Variants in NOL4L observed in about 807,000 individuals in gnomAD.
NOL4L encodes nucleolar protein 4 like, also known as nucleolar protein 4-like.
NOL4L carries 7 observed loss-of-function variants against 64.5 expected under a neutral mutation model. The ratio of observed to expected loss-of-function variants is 0.11; its 90% CI spans 0.06 to 0.20. NOL4L has a LOEUF of 0.20. Among genes scored for constraint, NOL4L ranks in the 10% least tolerant of loss-of-function variants. The probability of loss-of-function intolerance (pLI) is 1.00; values close to 1 mark genes in which losing one functional copy is unlikely to be tolerated. For synonymous variants in NOL4L, 413 were observed against 401.0 expected, an observed-to-expected ratio of 1.03 and a Z score of -0.36; for missense variants, 680 against 967.1, an observed-to-expected ratio of 0.70 and a Z score of 3.94.
chr20:32,497,557 A>G (rs293553), intron 4 of NOL4L, among the ~76,000 whole-genome samples: 81,078 of 151,974 alleles, frequency 0.53, 23,740 homozygotes, highest in East Asian at 0.99. Context: ...AGAGGCACCC[A>G]AAAGCTGGAG....
rs376224142 is a variant in NOL4L, at chr20:32,487,228, G to A, written c.700-12486C>T. Reference sequence around the variant, plus strand: ...GGTTGCAGTGAGCCGAGATCATACCGTTGCACTCCAGCCTGGGCGACAGGA... The same window carrying A: ...GGTTGCAGTGAGCCGAGATCATACCATTGCACTCCAGCCTGGGCGACAGGA... On this transcript the variant is annotated intron_variant, in intron 4 of 10. Transcript: ENST00000621426. Among the ~76,000 whole-genome samples, 17 of 152,206 alleles carry A rather than the reference G, an allele frequency of 1.1e-4. No individual in the cohort carries two copies. In the East Asian group the frequency reaches 2.5e-3, roughly 22 times the overall value.
chr20:32,527,188 G>A (rs958637072), intron 2 of NOL4L, among the ~76,000 whole-genome samples: 3 of 152,082 alleles, frequency 2.0e-5, no homozygotes, highest in African/African-American at 7.2e-5. Flanking sequence ...AGACATTTCT[G>A]CTTCTCATGT....
In NOL4L at chr20:32,475,682, C is replaced by T. The variant is rs138379601; in HGVS notation, c.700-940G>A. On this transcript the variant is annotated intron_variant, in intron 4 of 10. Transcript: ENST00000621426. Reference sequence around the variant, plus strand: ...AAGATGACCCAGCAGCTCCCACACCCGGAGTTCTGGCCTCCCCCCAGCAAG... The same window carrying T: ...AAGATGACCCAGCAGCTCCCACACCTGGAGTTCTGGCCTCCCCCCAGCAAG... Among the ~76,000 whole-genome samples, 123 of 152,370 alleles carry T rather than the reference C, an allele frequency of 8.1e-4. 2 individuals are homozygous for T. In the East Asian group the frequency reaches 0.022, roughly 27 times the overall value.
At chr20:32,509,570 G>A (rs1157452141) in intron 4 of NOL4L, among the ~76,000 whole-genome samples, 1 of 150,272 alleles carries the variant, frequency 6.7e-6, no homozygotes, top group African/African-American at 2.4e-5. Flanking sequence ...GGGTACTGCT[G>A]TTTCTGTAAA....
At chr20:32,529,289 G>A (rs2018256156) in intron 1 of NOL4L, among the ~76,000 whole-genome samples, 3 of 152,210 alleles carry the variant, frequency 2.0e-5, no homozygotes, top group Admixed American at 1.3e-4. Context: ...ACTTGGCACT[G>A]AGCCTGGAGT....
At chr20:32,582,868 G>T (rs1980571820) in intron 1 of NOL4L, among the ~76,000 whole-genome samples, 1 of 152,202 alleles carries the variant, frequency 6.6e-6, no homozygotes, top group Non-Finnish European at 1.5e-5. Flanking sequence ...CTGGCAGGGT[G>T]GGGAGGGCTG....
chr20:32,579,623 A>G (rs1980342420), intron 1 of NOL4L, among the ~76,000 whole-genome samples: 1 of 152,166 alleles, frequency 6.6e-6, no homozygotes, highest in South Asian at 2.1e-4. Context: ...TACCCAGGGA[A>G]GAAGGGTGCA....
chr20:32,556,551 C>T (rs1041313261), intron 1 of NOL4L, among the ~76,000 whole-genome samples: 5 of 152,148 alleles, frequency 3.3e-5, no homozygotes, highest in Non-Finnish European at 4.4e-5. Flanking sequence ...AGACTAGAAG[C>T]GGAGGCTCAG....
At chr20:32,511,076 C>T (rs1416473146) in intron 4 of NOL4L, 6 of 330,506 alleles carry the variant, frequency 1.8e-5, no homozygotes, top group Middle Eastern at 8.4e-4. Flanking sequence ...CTCCCTTCCA[C>T]GTCCCCTCCT....
At position 32,536,807 on chromosome 20, in the gene NOL4L, G is replaced by T. The variant is rs1470332684; in HGVS notation, c.322-8894C>A. 1.6e-3 allele frequency among the ~76,000 whole-genome samples: 197 copies of T among 119,534 alleles called. 5 individuals carry two copies. The highest frequency in any genetic ancestry group is 2.5e-3 in the Non-Finnish European group (138 of 54,586). The allele number at this position is 119,534 out of a possible 152,430, so 78.4% of individuals were successfully genotyped here. ...TGCAGCCCGGCTGGGAGTGGGGGGG[G>T]GGGGGCGCACCAACGGGGCGGGGGG... On this transcript the variant is annotated intron_variant, in intron 1 of 10. Transcript: ENST00000621426.
intron 9 of NOL4L, 108 bp from the exon 10 acceptor site, chr20:32,452,545 C>T: frequency 9.5e-7 from 1 of 1,055,636 alleles, no homozygotes; most frequent in South Asian, 1.7e-5. Flanking sequence ...CTCCTGGGAC[C>T]CAATGCTGCG....
intron 3 of NOL4L, among the ~76,000 whole-genome samples, chr20:32,515,234 G>A (rs1410986770): frequency 6.6e-6 from 1 of 152,184 alleles, no homozygotes; most frequent in Non-Finnish European, 1.5e-5. Context: ...GCTCAGAAGA[G>A]GAAGGCAGGA....
At chr20:32,538,446 CCTCCCTCCCTCCCTCG>C (rs1288160896) in intron 1 of NOL4L, among the ~76,000 whole-genome samples, 34 of 142,248 alleles carry the variant, frequency 2.4e-4, no homozygotes, top group Admixed American at 1.1e-3. Flanking sequence ...GCCATGACCT[CCTCCCTCCCTCCCTCG>C]CTCCCTCCCT....
chr20:32,534,065 G>A (rs2018433258), intron 1 of NOL4L, among the ~76,000 whole-genome samples: 1 of 152,236 alleles, frequency 6.6e-6, no homozygotes, highest in African/African-American at 2.4e-5. Flanking sequence ...ACTTATCAAG[G>A]TGGGATCACA....
chr20:32,571,885 A>T (rs969241387), intron 1 of NOL4L, among the ~76,000 whole-genome samples: 1 of 152,222 alleles, frequency 6.6e-6, no homozygotes, highest in African/African-American at 2.4e-5. Context: ...TGGAGTGGCC[A>T]GCGGTTGGCT....
intron 3 of NOL4L, among the ~76,000 whole-genome samples, chr20:32,516,513 C>T (rs1051957436): frequency 1.3e-5 from 2 of 152,066 alleles, no homozygotes; most frequent in African/African-American, 2.4e-5. Context: ...AAGGAAGCTT[C>T]GTAGAGAGAA....
At chr20:32,485,093 A>AAAAAAAAAAAAAAAAAACAG (rs2016028497) in intron 4 of NOL4L, among the ~76,000 whole-genome samples, 1 of 114,526 alleles carries the variant, frequency 8.7e-6, no homozygotes, top group East Asian at 2.9e-4. Flanking sequence ...AAAAACAACT[A>AAAAAAAAAAAAAAAAAACAG]AAAAAAAACC....
chr20:32,582,462 A>AG (rs1363468683), intron 1 of NOL4L, among the ~76,000 whole-genome samples: 2 of 152,082 alleles, frequency 1.3e-5, no homozygotes, highest in Non-Finnish European at 2.9e-5. Context: ...TGGCCTGGAT[A>AG]GGGGGAGGGG....
intron 4 of NOL4L, among the ~76,000 whole-genome samples, chr20:32,479,807 C>T (rs972243509): frequency 1.3e-5 from 2 of 152,238 alleles, no homozygotes; most frequent in African/African-American, 4.8e-5. Context: ...GTTAGGCAGG[C>T]AGATGGGTAG....
Sources: allele counts gnomAD v4.1 joint callset (sites outside exome capture counted in the v4.1 genomes callset), GRCh38; gene constraint gnomAD v4.1.1; transcripts MANE v1.5; gene names NCBI Gene and HGNC (gene_info 2026-07-23, HGNC 2026-07-21).